The following KCNK2 variants were observed in gnomAD, a reference collection of about 807,000 sequenced individuals.
KCNK2 encodes potassium two pore domain channel subfamily K member 2.
KCNK2 carries 21 observed loss-of-function variants against 40.5 expected under a neutral mutation model. The ratio of observed to expected loss-of-function variants is 0.52; its 90% CI spans 0.37 to 0.75. The LOEUF is 0.75. Among genes scored for constraint, KCNK2 ranks in the 30% least tolerant of loss-of-function variants. KCNK2 has a pLI of 0.00. For missense variants in KCNK2, 399 were observed against 531.6 expected (o/e 0.75, Z 2.45); for synonymous variants, 191 against 202.2 (o/e 0.94, Z 0.47).
chr1:215,105,278 C>T lies in KCNK2; in HGVS notation c.357+18600C>T, dbSNP rs1660387367. Among the ~76,000 whole-genome samples the T allele has an allele frequency of 3.9e-5, 6 of 152,058 alleles. No individual in the cohort carries two copies. In the South Asian group the frequency reaches 1.2e-3, roughly 32 times the overall value. On this transcript the variant is annotated intron_variant, in intron 2 of 6. Coordinates refer to ENST00000444842, the MANE Select transcript of KCNK2 (RefSeq NM_001017425.3). ...CTAGCAACCAGCACTGTGTTTTCTG[C>T]TTCCATGAGTTTGGCCATTTTAGAG...
chr1:215,218,395 C>T (rs1666039036), intron 6 of KCNK2, among the ~76,000 whole-genome samples: 1 of 152,110 alleles, frequency 6.6e-6, no homozygotes, highest in Admixed American at 6.6e-5. Context: ...TAACATAACC[C>T]ACATGGAATC....
intron 3 of KCNK2, among the ~76,000 whole-genome samples, chr1:215,134,410 G>C (rs753148862): frequency 8.1e-4 from 124 of 152,288 alleles, no homozygotes; most frequent in Non-Finnish European, 1.5e-3. Flanking sequence ...ATTACAAAGG[G>C]TATTACAAGG....
intron 1 of KCNK2, among the ~76,000 whole-genome samples, chr1:215,065,936 G>A (rs994361317): frequency 9.2e-5 from 14 of 152,126 alleles, no homozygotes; most frequent in African/African-American, 3.1e-4. Context: ...TTTGAGTCCA[G>A]CCTGGGCAAC....
chr1:215,155,965 A>T (rs952850332), intron 3 of KCNK2, among the ~76,000 whole-genome samples: 2 of 152,128 alleles, frequency 1.3e-5, no homozygotes, highest in Non-Finnish European at 2.9e-5. Flanking sequence ...TCAATTATCC[A>T]TTAGTTAATA....
chr1:215,217,267 A>G lies in KCNK2; in HGVS notation c.964-17561A>G, dbSNP rs921887793. 2.0e-5 allele frequency among the ~76,000 whole-genome samples: 3 copies of G among 152,182 alleles called. No individual in the cohort carries two copies. The East Asian group carries it at 5.8e-4, about 29-fold the overall frequency. ...TGCAATTGTACATGGGAGAGTTTTA[A>G]GACAAATTTCTGGAAGCAATTTCAC... On this transcript the variant is annotated intron_variant, in intron 6 of 6. Transcript: ENST00000444842.
At chr1:215,097,089 C>T (rs1006604575) in intron 2 of KCNK2, among the ~76,000 whole-genome samples, 3 of 151,658 alleles carry the variant, frequency 2.0e-5, no homozygotes, top group African/African-American at 4.8e-5. Context: ...GGAGTTTTTA[C>T]CTAAAATGCA....
upstream of KCNK2, among the ~76,000 whole-genome samples, chr1:215,082,576 G>A (rs935063501): frequency 6.6e-6 from 1 of 152,074 alleles, no homozygotes. Context: ...TGAGCCAAGG[G>A]GTTGTGCCCC....
At chr1:215,229,207 CTTTTTTT>C (rs201225142) in intron 6 of KCNK2, among the ~76,000 whole-genome samples, 12 of 129,912 alleles carry the variant, frequency 9.2e-5, no homozygotes, top group African/African-American at 3.1e-4. Flanking sequence ...GATTGTTTTT[CTTTTTTT>C]TTTTTTTTTG....
chr1:215,146,861 C>T (rs1019365119), intron 3 of KCNK2, among the ~76,000 whole-genome samples: 2 of 152,292 alleles, frequency 1.3e-5, no homozygotes, highest in African/African-American at 4.8e-5. Context: ...ACTAGTTGTA[C>T]TTAAACCTCG....
intron 3 of KCNK2, among the ~76,000 whole-genome samples, chr1:215,153,751 C>T (rs115568403): frequency 0.012 from 1,878 of 152,050 alleles, 45 homozygotes; most frequent in African/African-American, 0.043. Flanking sequence ...TCCCCTCACT[C>T]CCCACCCTCC....
At chr1:215,089,354 G>C (rs1311024303) in intron 2 of KCNK2, among the ~76,000 whole-genome samples, 2 of 152,132 alleles carry the variant, frequency 1.3e-5, no homozygotes, top group Non-Finnish European at 2.9e-5. Context: ...GGAGTAGTTA[G>C]CATTTCAGTT....
chr1:215,151,047 A>G (rs1662666485), intron 3 of KCNK2, among the ~76,000 whole-genome samples: 1 of 151,892 alleles, frequency 6.6e-6, no homozygotes, highest in African/African-American at 2.4e-5. Flanking sequence ...TTAAAGAAAT[A>G]AAAGAAGTAG....
chr1:215,035,634 A>C (rs2601627), intron 1 of KCNK2, among the ~76,000 whole-genome samples: 1 of 152,056 alleles, frequency 6.6e-6, no homozygotes, highest in South Asian at 2.1e-4. Flanking sequence ...TTGTTTATGC[A>C]TTCACCTGTT....
At chr1:215,202,309 A>G (rs1199658684) in intron 6 of KCNK2, among the ~76,000 whole-genome samples, 1 of 152,188 alleles carries the variant, frequency 6.6e-6, no homozygotes, top group African/African-American at 2.4e-5. Context: ...TTTGAAGTTC[A>G]TCTGCTGGTC....
chr1:215,219,294 G>T (rs1666078653), intron 6 of KCNK2, among the ~76,000 whole-genome samples: 1 of 152,168 alleles, frequency 6.6e-6, no homozygotes, highest in Non-Finnish European at 1.5e-5. Context: ...CATATATGTT[G>T]CATGTGGCCT....
At chr1:215,172,246 T>C in intron 5 of KCNK2, 63 bp downstream of exon 5, 2 of 1,435,324 alleles carry the variant, frequency 1.4e-6, no homozygotes, top group Admixed American at 2.0e-5. Flanking sequence ...GATTTTTCAC[T>C]TAGGTTTATA....
At chr1:215,086,731 G>A in intron 2 of KCNK2, 53 bp downstream of exon 2, 2 of 1,503,990 alleles carry the variant, frequency 1.3e-6, no homozygotes, top group Non-Finnish European at 1.8e-6. Context: ...GAAATAAAGT[G>A]ATAGGAGGAG....
intron 6 of KCNK2, among the ~76,000 whole-genome samples, chr1:215,207,594 A>G (rs1204210338): frequency 6.6e-6 from 1 of 152,232 alleles, no homozygotes; most frequent in African/African-American, 2.4e-5. Context: ...CATGTCTGTG[A>G]GTAAACAAGC....
intron 1 of KCNK2, among the ~76,000 whole-genome samples, chr1:215,074,844 A>C (rs544704378): frequency 2.6e-5 from 4 of 152,218 alleles, no homozygotes; most frequent in African/African-American, 9.6e-5. Context: ...TTATTATGTC[A>C]CTCAGCTTTG....
Sources: allele counts gnomAD v4.1 joint callset (sites outside exome capture counted in the v4.1 genomes callset), GRCh38; gene constraint gnomAD v4.1.1; transcripts MANE v1.5; gene names NCBI Gene and HGNC (gene_info 2026-07-23, HGNC 2026-07-21).